The following GABRA6 variants were observed in gnomAD, a reference collection of about 807,000 sequenced individuals.
GABRA6 encodes gamma-aminobutyric acid receptor subunit alpha-6.
In GABRA6, 45 loss-of-function variants were observed where a neutral mutation model predicts 47.3. The observed-to-expected ratio is 0.95, with a 90% CI of 0.75 to 1.22. The LOEUF (loss-of-function observed/expected upper bound fraction) is 1.22. Among genes scored for constraint, GABRA6 ranks in the 50% most tolerant of loss-of-function variants. GABRA6 has a pLI of 0.00. For synonymous variants in GABRA6, 219 were observed against 194.7 expected (o/e 1.12, Z -1.04); for missense variants, 583 against 549.3 (o/e 1.06, Z -0.61).
In GABRA6 at chr5:161,686,950, G is replaced by A. The variant is rs1448019465; in HGVS notation, c.172G>A (p.Val58Ile). 1 of 1,613,970 alleles carries A rather than the reference G, an allele frequency of 6.2e-7. No individual in the cohort carries two copies. Among genetic ancestry groups the A allele is most frequent in the East Asian group, 2.2e-5 (1 of 44,872 alleles). Residue 58 changes from valine (V) to isoleucine (I), a missense_variant, in exon 3 of 9, where the codon GTC becomes ATC. Val to Ile is a conservative substitution (Grantham distance 29). Coordinates refer to ENST00000274545, the MANE Select transcript of GABRA6 (RefSeq NM_000811.3). Reference protein sequence around the residue: ...RPGFGGAVTEVKTDIYVTSFG... With the variant: ...RPGFGGAVTEIKTDIYVTSFG... ...GCTAATTTCAGGTGCTGTCACTGAAGTCAAAACAGACATTTATGTGACCAG... is the reference window on the plus strand; with the variant it reads ...GCTAATTTCAGGTGCTGTCACTGAAATCAAAACAGACATTTATGTGACCAG...
chr5:161,687,122 T>C, intron 3 of GABRA6, 119 bp downstream of exon 3: 1 of 817,674 alleles, frequency 1.2e-6, no homozygotes, highest in South Asian at 1.4e-5. Context: ...ACAATATTTG[T>C]ATTCATGCTG....
chr5:161,689,293 C>A lies in GABRA6; in HGVS notation c.486C>A (p.Asn162Lys). 1 of 1,614,072 alleles carries A rather than the reference C, an allele frequency of 6.2e-7. No homozygotes were observed. Among genetic ancestry groups the A allele is most frequent in the South Asian group, 1.1e-5 (1 of 91,080 alleles). Residue 162 changes from asparagine (N) to lysine (K), a missense_variant, in exon 5 of 9, where the codon AAC (asparagine) becomes AAA (lysine). Coordinates refer to ENST00000274545, the MANE Select transcript of GABRA6 (RefSeq NM_000811.3). ...INADCPMRLVNFPMDGHACPL... is the reference protein window; with the variant it reads ...INADCPMRLVKFPMDGHACPL... ...CTGACTGTCCCATGAGGCTGGTTAA[C>A]TTTCCTATGGATGGGCATGCTTGTC...
At chr5:161,687,746 A>C (rs1045267732) in intron 3 of GABRA6, 1 of 168,622 alleles carries the variant, frequency 5.9e-6, no homozygotes, top group Non-Finnish European at 1.3e-5. Context: ...CTAAAGAAAC[A>C]GTTATTGGAG....
chr5:161,696,150 G>A (rs1053916747), intron 8 of GABRA6, among the ~76,000 whole-genome samples: 8 of 152,122 alleles, frequency 5.3e-5, no homozygotes, highest in Admixed American at 4.6e-4. Context: ...AAAGAAATTA[G>A]CCTGGCTCTG....
intron 8 of GABRA6, among the ~76,000 whole-genome samples, chr5:161,699,631 T>G (rs974965749): frequency 5.3e-5 from 8 of 150,554 alleles, no homozygotes; most frequent in Non-Finnish European, 1.2e-4. Flanking sequence ...TACCAGCTAA[T>G]TTTTGTATTT....
chr5:161,688,506 A>T (rs1754735220), intron 3 of GABRA6, among the ~76,000 whole-genome samples: 1 of 152,280 alleles, frequency 6.6e-6, no homozygotes, highest in South Asian at 2.1e-4. Flanking sequence ...TATGTGTGGA[A>T]TTTTACTGAA....
chr5:161,699,562 T>TA (rs1345061212), intron 8 of GABRA6, among the ~76,000 whole-genome samples: 4 of 150,052 alleles, frequency 2.7e-5, no homozygotes, highest in African/African-American at 9.8e-5. Context: ...GTCATCTTTT[T>TA]TTTTTTTTTT....
chr5:161,694,530 G>T (rs907503249), intron 8 of GABRA6, among the ~76,000 whole-genome samples: 3 of 152,026 alleles, frequency 2.0e-5, no homozygotes, highest in Non-Finnish European at 4.4e-5. Flanking sequence ...TGGAATTTAA[G>T]ATCTCAGGTT....
In GABRA6 at chr5:161,692,173, T is replaced by G. The variant is rs539296903; in HGVS notation, c.1059T>G (p.Thr353=). The G allele has an allele frequency of 6.2e-7, 1 of 1,614,236 alleles. No individual in the cohort carries two copies. Among genetic ancestry groups the G allele is most frequent in the Admixed American group, 1.7e-5 (1 of 60,024 alleles). Reference sequence around the variant, plus strand: ...CCACAGTGACAATATCAAAAGCTACTGAACCTTTGGAAGCTGAGATTGTTT... The same window carrying G: ...CCACAGTGACAATATCAAAAGCTACGGAACCTTTGGAAGCTGAGATTGTTT... ...APPTVTISKA[T]EPLEAEIVLH... Residue 353 remains threonine (T), a synonymous_variant, in exon 8 of 9, where the codon ACT becomes ACG. Coordinates refer to ENST00000274545, the MANE Select transcript of GABRA6 (RefSeq NM_000811.3).
chr5:161,699,856 T>C (rs1467244919), intron 8 of GABRA6, among the ~76,000 whole-genome samples: 2 of 152,132 alleles, frequency 1.3e-5, no homozygotes. Flanking sequence ...CTAAGACCTA[T>C]GACTAATTTA....
At position 161,689,637 on chromosome 5, in the gene GABRA6, T is replaced by C; in HGVS notation, c.531T>C (p.Tyr177=). The C allele has an allele frequency of 6.2e-7, 1 of 1,607,642 alleles. No individual in the cohort carries two copies. The highest frequency in any genetic ancestry group is 1.7e-4 in the Middle Eastern group (1 of 6,042). The change falls in exon 6 of 9, where the codon TAT becomes TAC. Residue 177 remains tyrosine, a splice_region_variant and synonymous_variant. Coordinates refer to ENST00000274545, the MANE Select transcript of GABRA6 (RefSeq NM_000811.3). ...ATTTAATTTGTTTCAAATATTTAGA[T>C]GCTTATCCCAAAAGTGAAATCATAT... is the stretch of plus-strand genomic sequence containing the variant. ...GHACPLKFGS[Y]AYPKSEIIYT... is the part of the protein sequence containing the mutation.
intron 2 of GABRA6, 144 bp downstream of exon 2, chr5:161,686,492 C>A: frequency 1.3e-6 from 1 of 749,352 alleles, no homozygotes; most frequent in Non-Finnish European, 2.4e-6. Context: ...CCCATCCAGT[C>A]TCTGCCTCAT....
chr5:161,693,365 T>A (rs1173403828), intron 8 of GABRA6, among the ~76,000 whole-genome samples: 1 of 152,096 alleles, frequency 6.6e-6, no homozygotes, highest in African/African-American at 2.4e-5. Flanking sequence ...TTAAGGATTT[T>A]TTATTAGCCC....
intron 8 of GABRA6, among the ~76,000 whole-genome samples, chr5:161,698,763 C>T (rs569614318): frequency 1.3e-5 from 2 of 152,078 alleles, no homozygotes; most frequent in South Asian, 4.2e-4. Flanking sequence ...TAGGGATTTC[C>T]AACTCTCCTT....
At chr5:161,700,538 A>G (rs145664812) in intron 8 of GABRA6, among the ~76,000 whole-genome samples, 51 of 152,326 alleles carry the variant, frequency 3.3e-4, no homozygotes, top group Middle Eastern at 3.4e-3. Context: ...TAGAATAAAG[A>G]TGAGAAAAAT....
rs763736187 is a variant in GABRA6, at chr5:161,689,337, G to T, written c.529+1G>T. ...GCTTGTCCACTCAAGTTTGGGAGCTGTAAGTTACAACAGGCTTCTGAGAGT... is the reference window on the plus strand; with the variant it reads ...GCTTGTCCACTCAAGTTTGGGAGCTTTAAGTTACAACAGGCTTCTGAGAGT... On this transcript the variant is annotated splice_donor_variant, in intron 5 of 8. Transcript: ENST00000274545. LOFTEE classifies it high-confidence loss of function. The T allele has an allele frequency of 1.2e-6, 2 of 1,613,172 alleles. No individual in the cohort carries two copies. Among genetic ancestry groups the T allele is most frequent in the African/African-American group, 2.7e-5 (2 of 74,894 alleles).
intron 3 of GABRA6, chr5:161,687,288 C>T (rs1436373558): frequency 2.2e-6 from 1 of 445,034 alleles, no homozygotes. Flanking sequence ...AGATTTTCCC[C>T]TTTCTTTGTG....
At chr5:161,691,317 A>C (rs1754786838) in intron 7 of GABRA6, among the ~76,000 whole-genome samples, 1 of 82,662 alleles carries the variant, frequency 1.2e-5, no homozygotes, top group Non-Finnish European at 2.2e-5. Context: ...TTTTTTTGAG[A>C]CGGAGTGTCC....
At chr5:161,692,329 A>C in intron 8 of GABRA6, 129 bp downstream of exon 8, 1 of 1,064,768 alleles carries the variant, frequency 9.4e-7, no homozygotes, top group Non-Finnish European at 1.4e-6. Context: ...TTTCAAGAGC[A>C]AGGCCAGTTT....
Sources: allele counts gnomAD v4.1 joint callset (sites outside exome capture counted in the v4.1 genomes callset), GRCh38; gene constraint gnomAD v4.1.1; transcripts MANE v1.5; gene names NCBI Gene and HGNC (gene_info 2026-07-23, HGNC 2026-07-21).